ACVR1C: variants seen among roughly 807,000 people sequenced by gnomAD.
ACVR1C encodes activin A receptor type 1C.
Under a neutral mutation model 57.9 loss-of-function variants are expected in ACVR1C, and 23 were observed. The observed-to-expected ratio is 0.40, with a 90% CI of 0.29 to 0.56. The LOEUF is 0.56. Ranked by LOEUF, ACVR1C falls within the 20% of genes least tolerant of loss-of-function variation. The pLI is 0.50. For synonymous variants in ACVR1C, 214 were observed against 215.3 expected, an observed-to-expected ratio of 0.99 and a Z score of 0.05; for missense variants, 480 against 607.9, an observed-to-expected ratio of 0.79 and a Z score of 2.21.
intron 3 of ACVR1C, among the ~76,000 whole-genome samples, chr2:157,552,859 A>C (rs1381160735): frequency 6.6e-6 from 1 of 152,142 alleles, no homozygotes; most frequent in African/African-American, 2.4e-5. Context: ...AGATACATGG[A>C]TTTTTGCTTC....
At chr2:157,600,882 A>G (rs1682263052) in intron 1 of ACVR1C, among the ~76,000 whole-genome samples, 1 of 152,202 alleles carries the variant, frequency 6.6e-6, no homozygotes. Flanking sequence ...GCAAACATAA[A>G]AAGGGCGCAT....
chr2:157,541,396 T>C (rs1372507358), intron 6 of ACVR1C, among the ~76,000 whole-genome samples, 182 bp from the exon 7 acceptor site: 1 of 152,182 alleles, frequency 6.6e-6, no homozygotes, highest in Non-Finnish European at 1.5e-5. Flanking sequence ...ACTCCACCCA[T>C]ACTTTCTCTC....
intron 2 of ACVR1C, among the ~76,000 whole-genome samples, chr2:157,565,385 T>C (rs1225628412): frequency 6.6e-6 from 1 of 152,128 alleles, no homozygotes; most frequent in African/African-American, 2.4e-5. Flanking sequence ...TCCCTTACAA[T>C]GGTCACTTCT....
At chr2:157,575,634 G>T (rs1455235933) in intron 2 of ACVR1C, among the ~76,000 whole-genome samples, 1 of 152,110 alleles carries the variant, frequency 6.6e-6, no homozygotes, top group Admixed American at 6.5e-5. Context: ...TAATTAGCCA[G>T]AACTCAGTTA....
intron 1 of ACVR1C, among the ~76,000 whole-genome samples, chr2:157,619,975 T>C (rs1488164190): frequency 1.3e-5 from 2 of 151,936 alleles, no homozygotes; most frequent in Non-Finnish European, 2.9e-5. Flanking sequence ...TTCATGGTAA[T>C]GGCAATATCC....
At chr2:157,619,418 T>G (rs1682718090) in intron 1 of ACVR1C, among the ~76,000 whole-genome samples, 1 of 151,910 alleles carries the variant, frequency 6.6e-6, no homozygotes, top group Admixed American at 6.6e-5. Context: ...AGAGGGAAAC[T>G]TAGAAGTTAA....
chr2:157,570,587 C>G (rs901211967), intron 2 of ACVR1C, among the ~76,000 whole-genome samples: 1 of 52,060 alleles, frequency 1.9e-5, no homozygotes, highest in African/African-American at 8.8e-5. Context: ...AACAGAGAGC[C>G]AAATCATGAG....
At chr2:157,556,373 C>A in intron 2 of ACVR1C, 41 bp from the exon 3 acceptor site, 3 of 1,598,578 alleles carry the variant, frequency 1.9e-6, no homozygotes, top group Non-Finnish European at 2.6e-6. Flanking sequence ...TAAATCAAAC[C>A]ATTTTAAGTA....
chr2:157,589,976 T>C (rs1306368970), intron 1 of ACVR1C, among the ~76,000 whole-genome samples: 1 of 151,606 alleles, frequency 6.6e-6, no homozygotes, highest in Non-Finnish European at 1.5e-5. Context: ...AGTGGATAGC[T>C]ACACATAGAA....
rs537306292 is a variant in ACVR1C at position 157,584,478 on chromosome 2, C to T, written c.304+2709G>A. ...AGATACATAAATGATGACCAATATG[C>T]ATATGAAAAATAATTTAACATTATT... On this transcript the variant is annotated intron_variant, in intron 2 of 8. Transcript: ENST00000243349. Among the ~76,000 whole-genome samples, 8 of 151,930 alleles carry T rather than the reference C, an allele frequency of 5.3e-5. No homozygotes were observed. The South Asian group carries it at 1.5e-3, about 28-fold the overall frequency.
chr2:157,550,378 C>T lies in ACVR1C; in HGVS notation c.559G>A (p.Val187Ile). 1.2e-6 allele frequency: 2 copies of T among 1,613,998 alleles called. No homozygotes were observed. The highest frequency in any genetic ancestry group is 1.7e-6 in the Non-Finnish European group (2 of 1,179,968). The stretch of plus-strand genomic sequence containing the variant: ...ATCGTCCTTGCAATTGTCCTTTGAA[C>T]CAACAGAGGTAGACCTAACCAAAGA... ...SGSGSGLPLL[V>I]QRTIARTIVL... The change falls in exon 4 of 9, where the codon GTT (valine) becomes ATT (isoleucine). Residue 187 changes from valine to isoleucine, a missense_variant. Coordinates refer to ENST00000243349, the MANE Select transcript of ACVR1C (RefSeq NM_145259.3).
intron 1 of ACVR1C, among the ~76,000 whole-genome samples, chr2:157,621,360 G>A (rs1432599476): frequency 6.6e-6 from 1 of 152,116 alleles, no homozygotes; most frequent in Non-Finnish European, 1.5e-5. Context: ...CCCTGAGAAG[G>A]AGCAAAGTGT....
At chr2:157,563,970 ATGG>A (rs1338319646) in intron 2 of ACVR1C, among the ~76,000 whole-genome samples, 5 of 152,232 alleles carry the variant, frequency 3.3e-5, no homozygotes, top group Non-Finnish European at 7.3e-5. Context: ...TTAACTCAAG[ATGG>A]ATTAAAGGCT....
chr2:157,592,332 T>C (rs1689067630), intron 1 of ACVR1C, among the ~76,000 whole-genome samples: 1 of 152,078 alleles, frequency 6.6e-6, no homozygotes, highest in Non-Finnish European at 1.5e-5. Flanking sequence ...ATGCGGATAC[T>C]CACTGAATGT....
At position 157,550,236 on chromosome 2, in the gene ACVR1C, C is replaced by A. The variant is rs756388591; in HGVS notation, c.701G>T (p.Arg234Leu). The change falls in exon 4 of 9, where the codon CGT (arginine) becomes CTT (leucine). Residue 234 changes from arginine to leucine, a missense_variant. Physicochemically the swap from Arg to Leu is moderately radical, Grantham distance 102. Transcript: ENST00000243349. ...GACCGTCTGGTAAATTTCTGCCTCA[C>A]GAAACCAAGATCTTTCATCTCTGGA... ...FSSRDERSWF[R>L]EAEIYQTVML... 6.2e-7 allele frequency: 1 copy of A among 1,614,056 alleles called. No individual in the cohort carries two copies. The highest frequency in any genetic ancestry group is 8.5e-7 in the Non-Finnish European group (1 of 1,180,014).
intron 4 of ACVR1C, among the ~76,000 whole-genome samples, chr2:157,549,449 C>T (rs556271928): frequency 6.6e-6 from 1 of 152,240 alleles, no homozygotes; most frequent in African/African-American, 2.4e-5. Context: ...CAAGCAGCAA[C>T]TAATGGGTAA....
intron 1 of ACVR1C, among the ~76,000 whole-genome samples, chr2:157,593,319 T>C (rs954539405): frequency 3.3e-5 from 5 of 152,200 alleles, no homozygotes; most frequent in Admixed American, 3.3e-4. Context: ...TTAGGTGTTT[T>C]GAATTAGACA....
At chr2:157,590,980 T>C (rs1361258405) in intron 1 of ACVR1C, among the ~76,000 whole-genome samples, 1 of 151,982 alleles carries the variant, frequency 6.6e-6, no homozygotes, top group Non-Finnish European at 1.5e-5. Context: ...AGTTAACCTA[T>C]ATAAAGCCCT....
chr2:157,550,049 A>T, intron 4 of ACVR1C, 113 bp downstream of exon 4: 5 of 754,350 alleles, frequency 6.6e-6, no homozygotes, highest in Non-Finnish European at 1.0e-5. Context: ...AAAAAAAAAG[A>T]AGAGGTGAAT....
Sources: gnomAD v4.1 joint callset for allele counts (sites outside exome capture counted in the v4.1 genomes callset) on GRCh38, gnomAD v4.1.1 for gene constraint, MANE v1.5 for transcripts, NCBI Gene and HGNC (gene_info 2026-07-23, HGNC 2026-07-21) for gene names.